Variants in DGLUCY observed in about 807,000 individuals in gnomAD.
DGLUCY encodes the protein D-glutamate cyclase, mitochondrial.
In DGLUCY, 58 loss-of-function variants were observed where a neutral mutation model predicts 58.5. The ratio of observed to expected loss-of-function variants is 0.99; its 90% CI spans 0.80 to 1.23. DGLUCY has a LOEUF of 1.23. Among genes scored for constraint, DGLUCY ranks in the 50% most tolerant of loss-of-function variants. DGLUCY has a pLI of 0.00. For synonymous variants in DGLUCY, 325 were observed against 314.1 expected, an observed-to-expected ratio of 1.03 and a Z score of -0.37; for missense variants, 779 against 784.7, an observed-to-expected ratio of 0.99 and a Z score of 0.09.
chr14:91,077,744 C>A (rs1210008603), intron 1 of DGLUCY, among the ~76,000 whole-genome samples: 1 of 131,708 alleles, frequency 7.6e-6, no homozygotes, highest in Non-Finnish European at 1.6e-5. Context: ...GAGCGAGACT[C>A]TGTCTCAAAA....
At chr14:91,210,280 A>G (rs1849064659) in intron 12 of DGLUCY, among the ~76,000 whole-genome samples, 1 of 152,154 alleles carries the variant, frequency 6.6e-6, no homozygotes, top group South Asian at 2.1e-4. Context: ...AAAATAGACA[A>G]ATTCACTATT....
intron 1 of DGLUCY, among the ~76,000 whole-genome samples, chr14:91,133,188 G>T (rs1329252454): frequency 6.6e-6 from 1 of 151,912 alleles, no homozygotes. Context: ...TCAGCTACTT[G>T]GGGGGCTGAG....
chr14:91,160,506 T>A, intron 3 of DGLUCY, 109 bp downstream of exon 3: 1 of 754,832 alleles, frequency 1.3e-6, no homozygotes, highest in Non-Finnish European at 2.1e-6. Flanking sequence ...AGATTCTGCA[T>A]AGGAAACAGA....
At chr14:91,079,543 G>A (rs537266101) in intron 1 of DGLUCY, among the ~76,000 whole-genome samples, 37 of 152,030 alleles carry the variant, frequency 2.4e-4, no homozygotes, top group Admixed American at 2.0e-3. Flanking sequence ...TAGTAGAGAC[G>A]GGGTTTCGCC....
intron 12 of DGLUCY, among the ~76,000 whole-genome samples, chr14:91,215,161 TAATA>T (rs753328771): frequency 1.6e-4 from 25 of 152,020 alleles, no homozygotes; most frequent in African/African-American, 5.8e-4. Flanking sequence ...AAAATAATAA[TAATA>T]AATAAATAAA....
chr14:91,153,831 C>T (rs1007204814), intron 1 of DGLUCY, among the ~76,000 whole-genome samples: 15 of 152,188 alleles, frequency 9.9e-5, no homozygotes, highest in Admixed American at 1.3e-4. Flanking sequence ...AAGGATACAG[C>T]GTTAACATAC....
chr14:91,159,046 G>A (rs1000026482), intron 2 of DGLUCY: 1 of 145,366 alleles, frequency 6.9e-6, no homozygotes, highest in Non-Finnish European at 1.5e-5. Context: ...GCCTGGGCAT[G>A]TCTTGAACTC....
At chr14:91,111,336 A>G (rs187658019), upstream of DGLUCY, among the ~76,000 whole-genome samples, 188 of 150,594 alleles carry the variant, frequency 1.2e-3, no homozygotes, top group African/African-American at 4.2e-3. Flanking sequence ...GCTGGAGTGC[A>G]GTGGCACCAT....
chr14:91,223,011 A>G (rs975726440), intron 13 of DGLUCY, among the ~76,000 whole-genome samples: 19 of 152,180 alleles, frequency 1.2e-4, no homozygotes, highest in African/African-American at 3.6e-4. Flanking sequence ...ACCCTCACTC[A>G]TGACCTCATC....
intron 1 of DGLUCY, among the ~76,000 whole-genome samples, chr14:91,063,278 G>A (rs991709094): frequency 6.8e-6 from 1 of 146,042 alleles, no homozygotes; most frequent in Non-Finnish European, 1.5e-5. Context: ...TACCTCCTTT[G>A]CAGTTAGGTT....
At chr14:91,077,611 G>A (rs979848820) in intron 1 of DGLUCY, among the ~76,000 whole-genome samples, 4 of 152,080 alleles carry the variant, frequency 2.6e-5, no homozygotes, top group South Asian at 4.1e-4. Flanking sequence ...AATTAGCTGG[G>A]TATAGTGGCA....
chr14:91,128,196 G>C (rs935302825), intron 1 of DGLUCY, among the ~76,000 whole-genome samples: 1 of 151,844 alleles, frequency 6.6e-6, no homozygotes, highest in South Asian at 2.1e-4. Flanking sequence ...GATCCAGGCC[G>C]GTACGGTGGC....
intron 6 of DGLUCY, 33 bp downstream of exon 6, chr14:91,173,472 C>A: frequency 6.4e-7 from 1 of 1,559,406 alleles, no homozygotes. Context: ...CATGATCTTC[C>A]TGTTCACATG....
Position 91,176,002 on chromosome 14 carries a change from G to A in DGLUCY, c.676G>A (p.Val226Ile). The change falls in exon 7 of 14, where the codon GTT becomes ATT. Residue 226 changes from valine to isoleucine, a missense_variant. Coordinates refer to ENST00000256324, the MANE Select transcript of DGLUCY (RefSeq NM_001102368.3). ...TGCCATGGTGTGTCCCCCAGGGGAG[G>A]TTCCAGTGTTCTGGCCTTCTCCGCT... ...GDAMVCPPGEVPVFWPSPLTS... is the reference protein window; with the variant it reads ...GDAMVCPPGEIPVFWPSPLTS... The A allele has an allele frequency of 6.2e-7, 1 of 1,614,108 alleles. No homozygotes were observed. Among genetic ancestry groups the A allele is most frequent in the Non-Finnish European group, 8.5e-7 (1 of 1,179,972 alleles).
chr14:91,067,070 G>A (rs1181627882), intron 1 of DGLUCY, among the ~76,000 whole-genome samples: 1 of 118,722 alleles, frequency 8.4e-6, no homozygotes, highest in Admixed American at 1.0e-4. Context: ...GACAGAGCGA[G>A]ACTCCATCTC....
Position 91,175,964 on chromosome 14 carries a change from C to A in DGLUCY, c.638C>A (p.Pro213His). ...ELLGIKELSK[P>H]AYGDAMVCPP... is the part of the protein sequence containing the mutation. ...TTGGGAATCAAAGAGCTTTCCAAAC[C>A]TGCCTACGGGGATGCCATGGTGTGT... The change falls in exon 7 of 14, where the codon CCT becomes CAT. Residue 213 changes from proline (P) to histidine (H), a missense_variant. Transcript: ENST00000256324. 1 of 1,614,038 alleles carries A rather than the reference C, an allele frequency of 6.2e-7. No individual in the cohort carries two copies. The highest frequency in any genetic ancestry group is 8.5e-7 in the Non-Finnish European group (1 of 1,179,944).
intron 5 of DGLUCY, among the ~76,000 whole-genome samples, chr14:91,170,814 CT>C (rs1434240897): frequency 6.6e-6 from 1 of 152,226 alleles, no homozygotes; most frequent in African/African-American, 2.4e-5. Flanking sequence ...AGAGTTCACT[CT>C]GCTCCATCAG....
chr14:91,102,802 G>A (rs139937805), intron 1 of DGLUCY, among the ~76,000 whole-genome samples: 24 of 106,742 alleles, frequency 2.2e-4, no homozygotes, highest in East Asian at 8.1e-4. Flanking sequence ...ACTGAGTCTC[G>A]CTCTATCACC....
At chr14:91,209,256 C>T (rs1000939075) in intron 12 of DGLUCY, among the ~76,000 whole-genome samples, 6 of 151,734 alleles carry the variant, frequency 4.0e-5, no homozygotes, top group Non-Finnish European at 8.8e-5. Context: ...GAGTGAGATT[C>T]GGTCTCAAAA....
Sources: gnomAD v4.1 joint callset for allele counts (sites outside exome capture counted in the v4.1 genomes callset) on GRCh38, gnomAD v4.1.1 for gene constraint, MANE v1.5 for transcripts, NCBI Gene and HGNC (gene_info 2026-07-23, HGNC 2026-07-21) for gene names.